Variants in FBXL17 observed in about 807,000 individuals in gnomAD.
The protein encoded by FBXL17 is F-box/LRR-repeat protein 17.
FBXL17 carries 22 observed loss-of-function variants against 66.2 expected under a neutral mutation model. That is an observed-to-expected ratio of 0.33 (90% CI 0.24 to 0.47). FBXL17 has a LOEUF of 0.47. FBXL17 is among the 20% of genes least tolerant of loss of function. The probability of loss-of-function intolerance (pLI) is 1.00; values close to 1 mark genes in which losing one functional copy is unlikely to be tolerated. For synonymous variants in FBXL17, 474 were observed against 400.5 expected, an observed-to-expected ratio of 1.18 and a Z score of -2.19; for missense variants, 878 against 948.2, an observed-to-expected ratio of 0.93 and a Z score of 0.97.
intron 1 of FBXL17, among the ~76,000 whole-genome samples, chr5:108,370,888 C>T (rs1267146528): frequency 6.6e-6 from 1 of 152,102 alleles, no homozygotes; most frequent in Non-Finnish European, 1.5e-5. Context: ...TGCCTCAAAA[C>T]TCTAAAAAGT....
chr5:107,880,934 T>C (rs761801752), intron 8 of FBXL17, 103 bp downstream of exon 8: 6 of 1,578,214 alleles, frequency 3.8e-6, no homozygotes, highest in Non-Finnish European at 4.3e-6. Flanking sequence ...ATATATAATA[T>C]ATAATACACG....
At chr5:107,879,776 T>C (rs965473131) in intron 8 of FBXL17, 1 of 985,408 alleles carries the variant, frequency 1.0e-6, no homozygotes. Context: ...ATGTGTAAAT[T>C]AGTACAAGAT....
intron 4 of FBXL17, among the ~76,000 whole-genome samples, chr5:108,236,759 G>T (rs776819591): frequency 6.6e-6 from 1 of 152,116 alleles, no homozygotes; most frequent in Non-Finnish European, 1.5e-5. Context: ...AATACCAATC[G>T]TTGATTAATT....
intron 6 of FBXL17, among the ~76,000 whole-genome samples, chr5:108,184,142 G>A (rs1753125615): frequency 6.6e-6 from 1 of 152,074 alleles, no homozygotes; most frequent in African/African-American, 2.4e-5. Context: ...GGCCAGGCAC[G>A]GTGGCTTATG....
chr5:108,054,050 G>T (rs2112829224), intron 6 of FBXL17, among the ~76,000 whole-genome samples: 1 of 152,168 alleles, frequency 6.6e-6, no homozygotes, highest in Middle Eastern at 3.4e-3. Flanking sequence ...TCATAAGTGG[G>T]TGTGGAACAA....
intron 4 of FBXL17, among the ~76,000 whole-genome samples, chr5:108,319,152 T>G (rs1759504449): frequency 6.6e-6 from 1 of 151,910 alleles, no homozygotes; most frequent in African/African-American, 2.4e-5. Flanking sequence ...TTATTTATCT[T>G]CTGTGTAATA....
chr5:108,326,773 A>G (rs1759876713), intron 4 of FBXL17, among the ~76,000 whole-genome samples: 1 of 152,182 alleles, frequency 6.6e-6, no homozygotes, highest in South Asian at 2.1e-4. Flanking sequence ...GTACCACTAC[A>G]CACCCACTCA....
At chr5:108,356,203 A>G (rs1207081234) in intron 3 of FBXL17, among the ~76,000 whole-genome samples, 1 of 152,188 alleles carries the variant, frequency 6.6e-6, no homozygotes, top group Non-Finnish European at 1.5e-5. Flanking sequence ...TTTAAGACAT[A>G]TGTACCTAAC....
At chr5:108,249,978 T>C (rs535284155) in intron 4 of FBXL17, among the ~76,000 whole-genome samples, 1 of 152,248 alleles carries the variant, frequency 6.6e-6, no homozygotes, top group Non-Finnish European at 1.5e-5. Flanking sequence ...CAACACATTT[T>C]TGGCATGCAA....
chr5:108,216,636 C>A (rs1262618266), intron 5 of FBXL17, among the ~76,000 whole-genome samples: 1 of 151,922 alleles, frequency 6.6e-6, no homozygotes, highest in African/African-American at 2.4e-5. Context: ...TAATATATGC[C>A]TTACCTCATA....
At chr5:107,929,742 A>G (rs951848139) in intron 7 of FBXL17, among the ~76,000 whole-genome samples, 63 of 152,160 alleles carry the variant, frequency 4.1e-4, no homozygotes, top group Admixed American at 4.0e-3. Flanking sequence ...GAAAGCCTGT[A>G]GGAGCATCAC....
intron 7 of FBXL17, among the ~76,000 whole-genome samples, chr5:107,942,011 T>G (rs1405723301): frequency 6.6e-6 from 1 of 152,124 alleles, no homozygotes; most frequent in African/African-American, 2.4e-5. Context: ...CATGTGATAA[T>G]GTCTGCCACC....
intron 4 of FBXL17, among the ~76,000 whole-genome samples, chr5:108,237,150 C>G (rs900519997): frequency 6.6e-6 from 1 of 152,174 alleles, no homozygotes; most frequent in African/African-American, 2.4e-5. Context: ...AATAAAGACA[C>G]ATTTATAGTG....
In FBXL17 at chr5:108,161,048, T is replaced by C. The variant is rs145032117; in HGVS notation, c.1745+25069A>G. Among the ~76,000 whole-genome samples the C allele has an allele frequency of 4.1e-3, 624 of 151,946 alleles. 2 individuals carry two copies. The highest frequency in any genetic ancestry group is 0.014 in the African/African-American group (595 of 41,418). On this transcript the variant is annotated intron_variant, in intron 6 of 8. Transcript: ENST00000542267. ...AAACACTAGGTTCCTGGAGGAGAGG[T>C]AGGGGAAGAGAATTTATTTTTCAAC...
chr5:108,078,094 T>C (rs1307363888), intron 6 of FBXL17, among the ~76,000 whole-genome samples: 2 of 152,232 alleles, frequency 1.3e-5, no homozygotes, highest in African/African-American at 2.4e-5. Flanking sequence ...GTTTTTCTTA[T>C]GTTTCTACAG....
intron 4 of FBXL17, among the ~76,000 whole-genome samples, chr5:108,285,328 G>A (rs1757856185): frequency 6.6e-6 from 1 of 151,826 alleles, no homozygotes; most frequent in South Asian, 2.1e-4. Context: ...CATGAATGAT[G>A]AATGTTCTTA....
chr5:107,930,092 G>A (rs916256438), intron 7 of FBXL17, among the ~76,000 whole-genome samples: 7 of 152,074 alleles, frequency 4.6e-5, no homozygotes, highest in Admixed American at 4.6e-4. Context: ...GTACACAGCC[G>A]CCAAAGTAAA....
chr5:108,321,588 A>C (rs565472998), intron 4 of FBXL17, among the ~76,000 whole-genome samples: 66 of 152,066 alleles, frequency 4.3e-4, no homozygotes, highest in Non-Finnish European at 4.4e-5. Context: ...TGTGAAATTT[A>C]CATTGCTACT....
intron 5 of FBXL17, among the ~76,000 whole-genome samples, chr5:108,220,630 A>G (rs1754821066): frequency 6.6e-6 from 1 of 152,070 alleles, no homozygotes; most frequent in Non-Finnish European, 1.5e-5. Flanking sequence ...CTTTTAATTC[A>G]TTGCAGAATC....
Sources: allele counts gnomAD v4.1 joint callset (sites outside exome capture counted in the v4.1 genomes callset), GRCh38; gene constraint gnomAD v4.1.1; transcripts MANE v1.5; gene names NCBI Gene and HGNC (gene_info 2026-07-23, HGNC 2026-07-21).